The following HIBADH variants were observed in gnomAD, a reference collection of about 807,000 sequenced individuals.
HIBADH encodes 3-hydroxyisobutyrate dehydrogenase, also known as 3-hydroxyisobutyrate dehydrogenase, mitochondrial.
In HIBADH, 25 loss-of-function variants were observed where a neutral mutation model predicts 36.1. The observed-to-expected ratio is 0.69, with a 90% CI of 0.50 to 0.97. The LOEUF is 0.97. Among genes scored for constraint, HIBADH ranks in the 50% least tolerant of loss-of-function variants. The probability of loss-of-function intolerance (pLI) is 0.00; values close to 1 mark genes in which losing one functional copy is unlikely to be tolerated. For missense variants in HIBADH, 421 were observed against 418.0 expected, an observed-to-expected ratio of 1.01 and a Z score of -0.06; for synonymous variants, 160 against 149.5, an observed-to-expected ratio of 1.07 and a Z score of -0.51.
At chr7:27,580,262 T>A (rs893665538) in intron 4 of HIBADH, among the ~76,000 whole-genome samples, 3 of 152,196 alleles carry the variant, frequency 2.0e-5, no homozygotes, top group African/African-American at 7.2e-5. Flanking sequence ...TGAACTCAGG[T>A]CTTCCAAGTA....
At chr7:27,609,775 A>G (rs1241852121) in intron 4 of HIBADH, among the ~76,000 whole-genome samples, 1 of 152,182 alleles carries the variant, frequency 6.6e-6, no homozygotes, top group African/African-American at 2.4e-5. Flanking sequence ...TTTATAATAA[A>G]TAACAGCAGT....
At chr7:27,528,635 G>A (rs1438515401) in intron 7 of HIBADH, among the ~76,000 whole-genome samples, 1 of 152,236 alleles carries the variant, frequency 6.6e-6, no homozygotes, top group Admixed American at 6.5e-5. Flanking sequence ...GAAGACGTGT[G>A]AAGCTAGTAG....
intron 2 of HIBADH, among the ~76,000 whole-genome samples, chr7:27,641,273 AAAG>A (rs1210901672): frequency 2.0e-5 from 3 of 152,194 alleles, no homozygotes; most frequent in South Asian, 4.1e-4. Flanking sequence ...TCTCTCACTG[AAAG>A]AACAGCTGAC....
intron 4 of HIBADH, among the ~76,000 whole-genome samples, chr7:27,558,676 C>A (rs1784426461): frequency 1.3e-5 from 2 of 152,052 alleles, no homozygotes; most frequent in African/African-American, 4.8e-5. Context: ...GCCTGGACCA[C>A]AGAGCAAGAC....
chr7:27,540,311 A>G (rs1037057904), intron 5 of HIBADH, among the ~76,000 whole-genome samples: 1 of 152,140 alleles, frequency 6.6e-6, no homozygotes, highest in African/African-American at 2.4e-5. Flanking sequence ...CTTCTTCCTC[A>G]TCATCTGGTA....
intron 4 of HIBADH, among the ~76,000 whole-genome samples, chr7:27,573,920 T>C (rs1298658744): frequency 6.6e-6 from 1 of 152,234 alleles, no homozygotes; most frequent in Non-Finnish European, 1.5e-5. Context: ...CACCTGTGTT[T>C]CTTATTACTT....
chr7:27,619,964 C>T (rs1785508418), intron 4 of HIBADH, among the ~76,000 whole-genome samples: 2 of 152,034 alleles, frequency 1.3e-5, no homozygotes, highest in African/African-American at 4.8e-5. Context: ...GGAGGTTCAC[C>T]AATTCCCAGA....
chr7:27,568,436 A>C (rs1784579512), intron 4 of HIBADH, among the ~76,000 whole-genome samples: 1 of 151,704 alleles, frequency 6.6e-6, no homozygotes, highest in South Asian at 2.1e-4. Flanking sequence ...AGCTGATCTC[A>C]AACAATTTTA....
chr7:27,530,215 T>G (rs1783971252), intron 7 of HIBADH, among the ~76,000 whole-genome samples: 1 of 152,148 alleles, frequency 6.6e-6, no homozygotes. Flanking sequence ...TCTTTTTTTT[T>G]TTCTATTTGA....
At chr7:27,588,854 T>C (rs1030094838) in intron 4 of HIBADH, among the ~76,000 whole-genome samples, 6 of 152,216 alleles carry the variant, frequency 3.9e-5, no homozygotes, top group Admixed American at 1.3e-4. Context: ...ATGCTTGGCC[T>C]TAAACCCCTA....
At chr7:27,568,673 G>A (rs188668552) in intron 4 of HIBADH, among the ~76,000 whole-genome samples, 1 of 151,978 alleles carries the variant, frequency 6.6e-6, no homozygotes, top group Non-Finnish European at 1.5e-5. Flanking sequence ...GTTTCACCAC[G>A]TTGGCCAGGC....
chr7:27,585,258 CGTGTGTATGT>C (rs553804912), intron 4 of HIBADH, among the ~76,000 whole-genome samples: 131 of 113,800 alleles, frequency 1.2e-3, no homozygotes, highest in South Asian at 2.1e-3. Flanking sequence ...TATATACACA[CGTGTGTATGT>C]ATGTGTATGT....
At position 27,648,092 on chromosome 7, in the gene HIBADH, A is replaced by G. The variant is rs191423855; in HGVS notation, c.252+1381T>C. Among the ~76,000 whole-genome samples the G allele has an allele frequency of 4.6e-5, 7 of 152,352 alleles. No homozygotes were observed. In the East Asian group the frequency reaches 1.3e-3, roughly 29 times the overall value. On this transcript the variant is annotated intron_variant, in intron 2 of 7. Transcript: ENST00000265395. ...AATAGATGTGTTATCCCAAAAAGTA[A>G]TAACTGTCTCCTCAAAATAACTACT...
chr7:27,574,182 C>G (rs1784669431), intron 4 of HIBADH, among the ~76,000 whole-genome samples: 1 of 135,512 alleles, frequency 7.4e-6, no homozygotes, highest in African/African-American at 2.9e-5. Flanking sequence ...GATGGAAATA[C>G]AGAGTTAGAA....
At position 27,613,665 on chromosome 7, in the gene HIBADH, G is replaced by T. The variant is rs13310466; in HGVS notation, c.484+15706C>A. ...TTTGTTGTTGTTGTGGGTTTTTTTT[G>T]TTTTTTTTTTTTGAGACAGGTCTCA... On this transcript the variant is annotated intron_variant, in intron 4 of 7. Transcript: ENST00000265395. Among the ~76,000 whole-genome samples the T allele has an allele frequency of 4.1e-3, 443 of 107,048 alleles. 2 individuals carry two copies. In the East Asian group the frequency reaches 0.05, roughly 12 times the overall value. The allele number at this position is 107,048 out of a possible 152,430, so 70.2% of individuals were successfully genotyped here. A position where few individuals can be genotyped will look rare whatever the true frequency, so the allele number is the denominator to read the frequency against.
chr7:27,530,907 G>A (rs533940717), intron 7 of HIBADH, among the ~76,000 whole-genome samples: 9 of 151,820 alleles, frequency 5.9e-5, no homozygotes, highest in South Asian at 4.2e-4. Flanking sequence ...AAATTTTACC[G>A]GCTCATATAA....
chr7:27,591,448 G>T (rs1259870292), intron 4 of HIBADH, among the ~76,000 whole-genome samples: 1 of 152,060 alleles, frequency 6.6e-6, no homozygotes, highest in Non-Finnish European at 1.5e-5. Flanking sequence ...CTACTCGGGA[G>T]GCTGAGGTAG....
At chr7:27,529,656 ACTC>A (rs1403556891) in intron 7 of HIBADH, among the ~76,000 whole-genome samples, 2 of 152,158 alleles carry the variant, frequency 1.3e-5, no homozygotes, top group Non-Finnish European at 2.9e-5. Flanking sequence ...AGATGGATCT[ACTC>A]CTGGTGAAAT....
intron 6 of HIBADH, among the ~76,000 whole-genome samples, chr7:27,534,623 C>A (rs1301675276): frequency 1.3e-5 from 2 of 152,010 alleles, no homozygotes; most frequent in Non-Finnish European, 2.9e-5. Flanking sequence ...CTAATACCTG[C>A]CAGGTATATT....
Sources: allele counts gnomAD v4.1 joint callset (sites outside exome capture counted in the v4.1 genomes callset), GRCh38; gene constraint gnomAD v4.1.1; transcripts MANE v1.5; gene names NCBI Gene and HGNC (gene_info 2026-07-23, HGNC 2026-07-21).